CSMD1: variants seen among roughly 807,000 people sequenced by gnomAD.
The protein encoded by CSMD1 is CUB and Sushi multiple domains 1.
A neutral mutation model predicts 417.5 loss-of-function variants in CSMD1; 213 were observed. The ratio of observed to expected loss-of-function variants is 0.51; its 90% CI spans 0.46 to 0.57. The LOEUF is 0.57. Among genes scored for constraint, CSMD1 ranks in the 20% least tolerant of loss-of-function variants. The probability of loss-of-function intolerance (pLI) is 0.00; values close to 1 mark genes in which losing one functional copy is unlikely to be tolerated. For missense variants in CSMD1, 6,923 were observed against 4,529.7 expected (o/e 1.53, Z -15.17); for synonymous variants, 2,862 against 1,736.8 (o/e 1.65, Z -16.11).
chr8:3,122,290 A>T (rs191918150), intron 41 of CSMD1, among the ~76,000 whole-genome samples: 1 of 152,284 alleles, frequency 6.6e-6, no homozygotes, highest in East Asian at 1.9e-4. Flanking sequence ...AATTACAAAT[A>T]AAAAAATGAA....
chr8:4,595,388 A>ATTATACTCTAAGTT (rs1365144239), intron 2 of CSMD1, among the ~76,000 whole-genome samples: 5 of 70,136 alleles, frequency 7.1e-5, no homozygotes, highest in East Asian at 5.3e-4. Context: ...ATTCATTTTC[A>ATTATACTCTAAGTT]TTCCATCCAT....
chr8:3,308,721 CCTACTTA>C (rs1285426283), intron 23 of CSMD1, among the ~76,000 whole-genome samples: 2 of 144,076 alleles, frequency 1.4e-5, no homozygotes, highest in African/African-American at 2.6e-5. Flanking sequence ...TTTGTTCCTC[CCTACTTA>C]CAAGTTTTTT....
Position 2,942,501 on chromosome 8 carries a change from T to C in CSMD1, c.10506A>G (p.Ser3502=), listed in dbSNP as rs765162750. Residue 3502 remains serine, a synonymous_variant, in exon 69 of 70, where the codon TCA becomes TCG. Coordinates refer to ENST00000635120, the MANE Select transcript of CSMD1 (RefSeq NM_033225.6). ...ILVPFFALIL[S]GFAFYLYKHR... ...GTTTGTAGAGGTAAAATGCAAACCC[T>C]GATAAAATTAGAGCAAAGAAAGGAA... 41 of 1,612,978 alleles carry C rather than the reference T, an allele frequency of 2.5e-5. No individual in the cohort carries two copies. In the South Asian group the frequency reaches 3.9e-4, roughly 15 times the overall value.
intron 23 of CSMD1, 149 bp downstream of exon 23, chr8:3,343,145 A>G (rs976822886): frequency 1.7e-6 from 1 of 605,772 alleles, no homozygotes; most frequent in Non-Finnish European, 2.9e-6. Context: ...CGAATATACA[A>G]CCAGTCAACA....
At chr8:3,104,177 C>T (rs1815961945) in intron 46 of CSMD1, among the ~76,000 whole-genome samples, 1 of 152,068 alleles carries the variant, frequency 6.6e-6, no homozygotes, top group African/African-American at 2.4e-5. Flanking sequence ...TAAAATGTAC[C>T]TTAAAAATGT....
At chr8:3,164,283 C>T (rs1341759267) in intron 37 of CSMD1, among the ~76,000 whole-genome samples, 14 of 152,244 alleles carry the variant, frequency 9.2e-5, no homozygotes, top group Non-Finnish European at 1.3e-4. Flanking sequence ...AGGAGTGCCA[C>T]GAACTTTTTC....
chr8:4,191,935 C>G (rs951822808), intron 3 of CSMD1, among the ~76,000 whole-genome samples: 55 of 152,284 alleles, frequency 3.6e-4, no homozygotes, highest in Admixed American at 3.3e-3. Context: ...ATTCAGCTCC[C>G]TTAAACCAAC....
At chr8:3,901,898 T>C (rs1324055860) in intron 5 of CSMD1, among the ~76,000 whole-genome samples, 2 of 152,236 alleles carry the variant, frequency 1.3e-5, no homozygotes, top group Non-Finnish European at 2.9e-5. Flanking sequence ...TAGATCATTT[T>C]AGATCTCATG....
rs531287200 is a variant in CSMD1, at chr8:4,164,680, A to G, written c.416-132581T>C. Among the ~76,000 whole-genome samples the G allele has an allele frequency of 7.2e-5, 11 of 152,216 alleles. No homozygotes were observed. The South Asian group carries it at 1.0e-3, about 14-fold the overall frequency. On this transcript the variant is annotated intron_variant, in intron 3 of 69. Transcript: ENST00000635120. ...CACGATTGAATTTTGAGAATATAAGATTTTAAAATATGTTGCTGAGGTGGA... is the reference window on the plus strand; with the variant it reads ...CACGATTGAATTTTGAGAATATAAGGTTTTAAAATATGTTGCTGAGGTGGA...
intron 3 of CSMD1, among the ~76,000 whole-genome samples, chr8:4,078,939 A>ATATATATATG (rs1799980244): frequency 5.0e-5 from 1 of 19,808 alleles, no homozygotes; most frequent in Non-Finnish European, 1.3e-4. Flanking sequence ...ATATATATAT[A>ATATATATATG]TATGTATGTT....
chr8:3,344,010 T>C (rs1029978733), intron 22 of CSMD1, among the ~76,000 whole-genome samples: 3 of 152,134 alleles, frequency 2.0e-5, no homozygotes, highest in Non-Finnish European at 4.4e-5. Flanking sequence ...CATCATGCAA[T>C]AGTAATACAG....
At chr8:4,216,968 G>C (rs1264768310) in intron 3 of CSMD1, among the ~76,000 whole-genome samples, 4 of 152,082 alleles carry the variant, frequency 2.6e-5, no homozygotes, top group Non-Finnish European at 5.9e-5. Context: ...GCTGTCCTAG[G>C]ATAGGTCCCC....
chr8:4,414,635 TAGAA>T (rs1796828026), intron 3 of CSMD1, among the ~76,000 whole-genome samples: 1 of 152,216 alleles, frequency 6.6e-6, no homozygotes, highest in African/African-American at 2.4e-5. Flanking sequence ...GTGTGTTCAC[TAGAA>T]AGAAAATCAA....
intron 9 of CSMD1, among the ~76,000 whole-genome samples, chr8:3,578,235 G>C (rs1186334718): frequency 1.3e-5 from 2 of 152,180 alleles, no homozygotes; most frequent in Non-Finnish European, 1.5e-5. Context: ...AGAAGAGTTA[G>C]AGAAGAAAAT....
Position 4,448,710 on chromosome 8 carries a change from C to A in CSMD1, c.303-28645G>T, listed in dbSNP as rs574221768. 1.4e-4 allele frequency among the ~76,000 whole-genome samples: 21 copies of A among 152,180 alleles called. 1 individual carries two copies. In the South Asian group the frequency reaches 3.1e-3, roughly 23 times the overall value. ...GGTCATATATCTTTTTTGGCATTGC[C>A]CATTTCATCTTAATTTCACTTTTGA... On this transcript the variant is annotated intron_variant, in intron 2 of 69. Coordinates refer to ENST00000635120, the MANE Select transcript of CSMD1 (RefSeq NM_033225.6).
chr8:4,496,196 T>C (rs1183466114), intron 2 of CSMD1, among the ~76,000 whole-genome samples: 5 of 152,228 alleles, frequency 3.3e-5, no homozygotes, highest in Admixed American at 2.6e-4. Context: ...TCCATGTTTA[T>C]CCTGCTCATT....
At chr8:3,720,516 T>C (rs958370604) in intron 6 of CSMD1, among the ~76,000 whole-genome samples, 5 of 152,278 alleles carry the variant, frequency 3.3e-5, no homozygotes, top group Non-Finnish European at 5.9e-5. Context: ...TCTGCTGCCA[T>C]AGACCTTTTG....
intron 1 of CSMD1, among the ~76,000 whole-genome samples, chr8:4,758,467 G>A (rs532608248): frequency 3.8e-4 from 58 of 152,168 alleles, no homozygotes; most frequent in African/African-American, 1.3e-3. Context: ...CAAGGAAGGA[G>A]CTCAGAAAAG....
intron 10 of CSMD1, among the ~76,000 whole-genome samples, chr8:3,560,356 G>T (rs1799417226): frequency 6.6e-6 from 1 of 152,058 alleles, no homozygotes; most frequent in South Asian, 2.1e-4. Flanking sequence ...CATCACCACA[G>T]TTATATGGCA....
Sources: gnomAD v4.1 joint callset for allele counts (sites outside exome capture counted in the v4.1 genomes callset) on GRCh38, gnomAD v4.1.1 for gene constraint, MANE v1.5 for transcripts, NCBI Gene and HGNC (gene_info 2026-07-23, HGNC 2026-07-21) for gene names.